TUB: variants seen among roughly 807,000 people sequenced by gnomAD.
TUB encodes the protein TUB bipartite transcription factor.
TUB carries 33 observed loss-of-function variants against 59.7 expected under a neutral mutation model. That is an observed-to-expected ratio of 0.55 (90% CI 0.42 to 0.74). TUB has a LOEUF of 0.74. Among genes scored for constraint, TUB ranks in the 30% least tolerant of loss-of-function variants. The probability of loss-of-function intolerance (pLI) is 0.00; values close to 1 mark genes in which losing one functional copy is unlikely to be tolerated. For synonymous variants in TUB, 293 were observed against 256.4 expected (o/e 1.14, Z -1.36); for missense variants, 659 against 672.0 (o/e 0.98, Z 0.21).
Position 8,101,855 on chromosome 11 carries a change from T to TGATAC in TUB, c.*237_*238insATACG. On this transcript the variant is annotated 3_prime_UTR_variant, in exon 12 of 12. Transcript: ENST00000299506. Reference sequence around the variant, plus strand: ...GAAGGGATGAGAATAATTCTTTCCATGCCACGAGATCAACACACACTCCCA... The same window carrying TGATAC: ...GAAGGGATGAGAATAATTCTTTCCATGATACGCCACGAGATCAACACACACTCCCA... 3 of 475,826 alleles carry TGATAC rather than the reference T, an allele frequency of 6.3e-6. No individual in the cohort carries two copies. The highest frequency in any genetic ancestry group is 3.6e-5 in the South Asian group (1 of 28,098). 29.5% of individuals were successfully genotyped at this position (475,826 alleles called of 1,614,324 possible). A position where few individuals can be genotyped will look rare whatever the true frequency, so the allele number is the denominator to read the frequency against.
chr11:8,060,469 C>G (rs1414584777), intron 2 of TUB, among the ~76,000 whole-genome samples: 3 of 152,216 alleles, frequency 2.0e-5, no homozygotes, highest in African/African-American at 7.2e-5. Context: ...CCTGGCTCTG[C>G]TACCAACTTG....
intron 5 of TUB, among the ~76,000 whole-genome samples, 189 bp from the exon 6 acceptor site, chr11:8,096,496 T>C (rs978075356): frequency 2.6e-5 from 4 of 152,188 alleles, no homozygotes; most frequent in Non-Finnish European, 1.5e-5. Flanking sequence ...TATCCTTTTA[T>C]ATCTGGACAT....
At chr11:8,035,222 A>G (rs1158969692), upstream of TUB, among the ~76,000 whole-genome samples, 1 of 152,218 alleles carries the variant, frequency 6.6e-6, no homozygotes, top group Non-Finnish European at 1.5e-5. Context: ...TCAAACCTTT[A>G]ATAAAGACAA....
chr11:8,099,660 T>C (rs1216484915), intron 9 of TUB, among the ~76,000 whole-genome samples: 1 of 152,182 alleles, frequency 6.6e-6, no homozygotes, highest in Non-Finnish European at 1.5e-5. Context: ...AACAGATCTA[T>C]CAGTGAAGTA....
Position 8,044,387 on chromosome 11 carries a change from C to A in TUB, c.203+4695C>A, listed in dbSNP as rs577917647. ...TTTTCATCTCTTGAAGCTTGACTTG[C>A]ATCTTAATTATGTATTTCATTTCTC... On this transcript the variant is annotated intron_variant, in intron 2 of 12. Transcript: ENST00000305253. Among the ~76,000 whole-genome samples the A allele has an allele frequency of 3.9e-5, 6 of 152,222 alleles. No homozygotes were observed. In the East Asian group the frequency reaches 1.2e-3, roughly 29 times the overall value.
At chr11:8,045,462 T>C (rs997333960) in intron 2 of TUB, among the ~76,000 whole-genome samples, 1 of 152,238 alleles carries the variant, frequency 6.6e-6, no homozygotes, top group Non-Finnish European at 1.5e-5. Flanking sequence ...ATGTTGGGCT[T>C]TGTTTTATCC....
At chr11:8,052,538 C>G (rs1287643161) in intron 2 of TUB, among the ~76,000 whole-genome samples, 1 of 141,638 alleles carries the variant, frequency 7.1e-6, no homozygotes, top group African/African-American at 2.7e-5. Context: ...GGTGCAATCT[C>G]GGCTCACTGC....
chr11:8,094,975 G>A (rs573683883), intron 4 of TUB, among the ~76,000 whole-genome samples: 2 of 152,354 alleles, frequency 1.3e-5, no homozygotes, highest in East Asian at 1.9e-4. Flanking sequence ...GAAAGCTGAC[G>A]TAGGATGGGA....
intron 2 of TUB, among the ~76,000 whole-genome samples, chr11:8,050,835 A>G (rs1221911176): frequency 6.6e-6 from 1 of 152,172 alleles, no homozygotes; most frequent in African/African-American, 2.4e-5. Context: ...TGCTTTCAAT[A>G]ATCTTTTAAC....
At chr11:8,025,925 C>T (rs192603835) in intron 1 of TUB, among the ~76,000 whole-genome samples, 350 of 152,352 alleles carry the variant, frequency 2.3e-3, no homozygotes, top group Non-Finnish European at 3.9e-3. Flanking sequence ...TTTATATTCT[C>T]ATGAGCATTG....
chr11:8,039,540 G>A (rs1942708361), intron 1 of TUB: 3 of 957,218 alleles, frequency 3.1e-6, no homozygotes, highest in East Asian at 3.0e-5. Context: ...TGAGACCAGG[G>A]CACTGAAGGA....
intron 5 of TUB, 105 bp from the exon 6 acceptor site, chr11:8,096,580 G>A (rs1488372102): frequency 1.3e-6 from 1 of 774,862 alleles, no homozygotes. Flanking sequence ...AGTTTGTGGG[G>A]GTACAGGTGA....
At chr11:8,073,374 G>C (rs1017823163) in intron 2 of TUB, among the ~76,000 whole-genome samples, 1 of 152,194 alleles carries the variant, frequency 6.6e-6, no homozygotes, top group South Asian at 2.1e-4. Context: ...ATTGGTTTGT[G>C]AATTCAGAAT....
At chr11:8,038,088 G>A (rs1209742672), upstream of TUB, among the ~76,000 whole-genome samples, 1 of 152,168 alleles carries the variant, frequency 6.6e-6, no homozygotes, top group African/African-American at 2.4e-5. Context: ...GGTGCCTCAA[G>A]GGGCTGAGTG....
chr11:8,032,125 C>CGCCTGGGGAAAGGCCTGGGGAAAG (rs1361374483), intron 1 of TUB, among the ~76,000 whole-genome samples: 3 of 151,602 alleles, frequency 2.0e-5, no homozygotes, highest in East Asian at 1.9e-4. Context: ...AGGCCGGGAG[C>CGCCTGGGGAAAGGCCTGGGGAAAG]GCCTGGGGAA....
chr11:8,095,640 T>G lies in TUB; in HGVS notation c.540T>G (p.Asp180Glu), dbSNP rs758541983. 1.2e-5 allele frequency: 19 copies of G among 1,606,826 alleles called. No individual in the cohort carries two copies. In the South Asian group the frequency reaches 2.1e-4, roughly 18 times the overall value. The stretch of plus-strand genomic sequence containing the variant: ...GGGGCGAACGGCCCAGCGGGCAGGA[T>G]CTCCGTGCCACGATGCAGAGGAAGG... Reference protein sequence around the residue: ...AGGGERPSGQDLRATMQRKGI... With the variant: ...AGGGERPSGQELRATMQRKGI... Residue 180 changes from aspartate (D) to glutamate (E), a missense_variant, in exon 5 of 12, where the codon GAT becomes GAG. Around this residue, in one of 3 missense-constraint regions of TUB, gnomAD observed 321 missense variants for 304.3 expected, o/e 1.05. Transcript: ENST00000299506.
intron 2 of TUB, among the ~76,000 whole-genome samples, chr11:8,046,335 G>C (rs1942832775): frequency 6.6e-6 from 1 of 152,138 alleles, no homozygotes; most frequent in Non-Finnish European, 1.5e-5. Context: ...TGTGACTGAA[G>C]GCAGAAGTCT....
intron 1 of TUB, chr11:8,039,494 C>T (rs543896875): frequency 1.6e-6 from 1 of 618,574 alleles, no homozygotes; most frequent in Non-Finnish European, 2.6e-6. Context: ...AGTCCCTCTA[C>T]CCTGATCCAT....
At chr11:8,038,974 A>C (rs575400420) in exon 1 of TUB, 2 of 1,614,000 alleles carry the variant, frequency 1.2e-6, no homozygotes, top group East Asian at 2.2e-5. Context: ...GGATCTCAGC[A>C]TTCAAAGCAG....
Sources: allele counts gnomAD v4.1 joint callset (sites outside exome capture counted in the v4.1 genomes callset), GRCh38; gene constraint gnomAD v4.1.1; regional missense constraint gnomAD v4.1.1; transcripts MANE v1.5; gene names NCBI Gene and HGNC (gene_info 2026-07-23, HGNC 2026-07-21).